Variants in CCT3 observed in about 807,000 individuals in gnomAD.
CCT3 encodes the protein T-complex protein 1 subunit gamma.
In CCT3, 10 loss-of-function variants were observed where a neutral mutation model predicts 65.3. That is an observed-to-expected ratio of 0.15 (90% CI 0.09 to 0.26). The LOEUF (loss-of-function observed/expected upper bound fraction) is 0.26, where lower values mean the gene tolerates loss of function less well. Ranked by LOEUF, CCT3 falls within the 10% of genes least tolerant of loss-of-function variation. The probability of loss-of-function intolerance (pLI) is 1.00; values close to 1 mark genes in which losing one functional copy is unlikely to be tolerated. For missense variants in CCT3, 626 were observed against 708.7 expected, an observed-to-expected ratio of 0.88 and a Z score of 1.33; for synonymous variants, 225 against 242.3, an observed-to-expected ratio of 0.93 and a Z score of 0.66.
rs1309660781 is a variant in CCT3 at position 156,337,178 on chromosome 1, G to A, written c.31+976C>T. 7.2e-6 allele frequency: 5 copies of A among 693,734 alleles called. No individual in the cohort carries two copies. In the East Asian group the frequency reaches 2.9e-4, roughly 41 times the overall value. The allele number at this position is 693,734 out of a possible 1,614,324, so 43.0% of individuals were successfully genotyped here. ...TCAGCACTTTGGGAGGCCGAGGTGG[G>A]CGGATCACCTGAGCTCATCAGCAGT... On this transcript the variant is annotated intron_variant, in intron 1 of 13. Coordinates refer to ENST00000295688, the MANE Select transcript of CCT3 (RefSeq NM_005998.5).
At chr1:156,317,915 C>T (rs374970236) in intron 8 of CCT3, among the ~76,000 whole-genome samples, 1 of 151,990 alleles carries the variant, frequency 6.6e-6, no homozygotes, top group South Asian at 2.1e-4. Flanking sequence ...GGTTTCACCA[C>T]GTTAGCCAGG....
intron 5 of CCT3, among the ~76,000 whole-genome samples, chr1:156,325,958 T>A (rs2101656583): frequency 6.6e-6 from 1 of 152,274 alleles, no homozygotes; most frequent in East Asian, 1.9e-4. Flanking sequence ...AAAAACTGAC[T>A]TGTTTATTAG....
intron 10 of CCT3, among the ~76,000 whole-genome samples, chr1:156,315,738 T>C (rs1171791588): frequency 2.0e-5 from 3 of 152,144 alleles, no homozygotes. Flanking sequence ...ACTGTACACT[T>C]AAGGCAACTA....
Position 156,317,343 on chromosome 1 carries a change from A to C in CCT3, c.892+72T>G, listed in dbSNP as rs1470002244. ...TGACACTATTACGCCCCTGCCAAAC[A>C]TGAGGGGAGAAAACAAATCACCCAC... On this transcript the variant is annotated intron_variant, in intron 9 of 13. Coordinates refer to ENST00000295688, the MANE Select transcript of CCT3 (RefSeq NM_005998.5). The C allele has an allele frequency of 7.5e-6, 12 of 1,594,098 alleles. 1 individual carries two copies. Among genetic ancestry groups the C allele is most frequent in the Non-Finnish European group, 1.0e-5 (12 of 1,163,272 alleles).
intron 5 of CCT3, among the ~76,000 whole-genome samples, chr1:156,330,320 G>A (rs879385145): frequency 6.6e-6 from 1 of 152,170 alleles, no homozygotes; most frequent in Admixed American, 6.5e-5. Flanking sequence ...TGGACTAGTT[G>A]ACTGTGACTC....
intron 12 of CCT3, 111 bp from the exon 13 acceptor site, chr1:156,310,800 T>A (rs1344273803): frequency 3.4e-6 from 5 of 1,452,570 alleles, no homozygotes; most frequent in Non-Finnish European, 4.7e-6. Context: ...AAAATGGCAA[T>A]GACAGCAAAC....
chr1:156,317,466 C>T lies in CCT3; in HGVS notation c.841G>A (p.Asp281Asn). The T allele has an allele frequency of 6.2e-7, 1 of 1,614,014 alleles. No individual in the cohort carries two copies. Among genetic ancestry groups the T allele is most frequent in the Non-Finnish European group, 8.5e-7 (1 of 1,179,908 alleles). The stretch of plus-strand genomic sequence containing the variant: ...ACATCGGGCTTCAGTTGGATAATGT[C>T]CTCACAGAGCTGCTGGATGTACTCT... The part of the protein sequence containing the change: ...EEEYIQQLCE[D>N]IIQLKPDVVI... Residue 281 changes from aspartate (D) to asparagine (N), a missense_variant, in exon 9 of 14, where the codon GAC (aspartate) becomes AAC (asparagine). Physicochemically the swap from Asp to Asn is conservative, Grantham distance 23 (BLOSUM62 1). Coordinates refer to ENST00000295688, the MANE Select transcript of CCT3 (RefSeq NM_005998.5).
At chr1:156,326,734 T>A (rs1280646427) in intron 5 of CCT3, among the ~76,000 whole-genome samples, 2 of 151,568 alleles carry the variant, frequency 1.3e-5, no homozygotes, top group Non-Finnish European at 2.9e-5. Context: ...GTAAAACATC[T>A]CCTTCTTTTA....
chr1:156,316,117 G>A (rs1343553560), intron 10 of CCT3, among the ~76,000 whole-genome samples: 1 of 151,646 alleles, frequency 6.6e-6, no homozygotes, highest in Non-Finnish European at 1.5e-5. Flanking sequence ...GGGGGGGTGG[G>A]GTGGGGGGAT....
chr1:156,333,439 C>G, intron 5 of CCT3, 108 bp downstream of exon 5: 1 of 784,208 alleles, frequency 1.3e-6, no homozygotes, highest in Non-Finnish European at 2.2e-6. Context: ...AACCAATAAG[C>G]TATTTAAATA....
rs920684830 is a variant in CCT3, at chr1:156,317,193, C to T, written c.947G>A (p.Arg316Gln). 2.5e-6 allele frequency: 4 copies of T among 1,614,094 alleles called. No homozygotes were observed. The highest frequency in any genetic ancestry group is 3.4e-6 in the Non-Finnish European group (4 of 1,179,972). Residue 316 changes from arginine to glutamine, a missense_variant, in exon 10 of 14, where the codon CGG becomes CAG. Coordinates refer to ENST00000295688, the MANE Select transcript of CCT3 (RefSeq NM_005998.5). ...RANITAIRRV[R>Q]KTDNNRIARA... ...AGCAATGCGATTATTGTCTGTCTTC[C>T]GGACTCTGCGGATGGCTGTGATATT...
At chr1:156,334,797 T>C in intron 3 of CCT3, 22 bp from the exon 4 acceptor site, 5 of 1,613,986 alleles carry the variant, frequency 3.1e-6, no homozygotes, top group Non-Finnish European at 4.2e-6. Context: ...GCAAAAGTTA[T>C]ATTTAAAGTG....
intron 6 of CCT3, among the ~76,000 whole-genome samples, chr1:156,323,323 A>G (rs1423265054): frequency 6.6e-6 from 1 of 151,486 alleles, no homozygotes; most frequent in Non-Finnish European, 1.5e-5. Flanking sequence ...AGAAAAAAAA[A>G]AAAGAGCAGG....
chr1:156,332,233 C>T lies in CCT3; in HGVS notation c.304+1314G>A, dbSNP rs112630196. Among the ~76,000 whole-genome samples, 193 of 152,234 alleles carry T rather than the reference C, an allele frequency of 1.3e-3. 1 individual carries two copies. Among genetic ancestry groups the T allele is most frequent in the African/African-American group, 4.4e-3 (182 of 41,564 alleles). On this transcript the variant is annotated intron_variant, in intron 5 of 13. Transcript: ENST00000295688. Reference sequence around the variant, plus strand: ...CTCTCCATGTTGCCCAGGCTGGTCTCGAACTCCTGACCTCGTGATCTGCCC... The same window carrying T: ...CTCTCCATGTTGCCCAGGCTGGTCTTGAACTCCTGACCTCGTGATCTGCCC...
chr1:156,325,632 C>T (rs1209274530), intron 5 of CCT3, among the ~76,000 whole-genome samples: 3 of 147,954 alleles, frequency 2.0e-5, no homozygotes, highest in Admixed American at 1.4e-4. Context: ...GGCTGGAGTG[C>T]GGTGGCGCAA....
At position 156,318,989 on chromosome 1, in the gene CCT3, C is replaced by T; in HGVS notation, c.638G>A (p.Cys213Tyr). The change falls in exon 8 of 14, where the codon TGT becomes TAT. Residue 213 changes from cysteine to tyrosine, a missense_variant. By Grantham distance (194) the Cys-to-Tyr change is radical (BLOSUM62 -2). Coordinates refer to ENST00000295688, the MANE Select transcript of CCT3 (RefSeq NM_005998.5). ...GTTAATCATGACTCCACGCAAGACA[C>T]AGGAGTCTTCAATGATGCCTCCAGG... ...KIPGGIIEDS[C>Y]VLRGVMINKD... 6.2e-7 allele frequency: 1 copy of T among 1,612,584 alleles called. No homozygotes were observed.
chr1:156,310,614 G>T lies in CCT3; in HGVS notation c.1477C>A (p.Leu493Met). The change falls in exon 13 of 14, where the codon CTG becomes ATG. Residue 493 changes from leucine to methionine, a missense_variant. Leu to Met is a conservative substitution (Grantham distance 15). Transcript: ENST00000295688. ...ETGTLVDMKE[L>M]GIWEPLAVKL... ...ACAGCCAATGGCTCCCATATGCCCAGTTCCTTCATGTCCACCAAAGTACCC... is the reference window on the plus strand; with the variant it reads ...ACAGCCAATGGCTCCCATATGCCCATTTCCTTCATGTCCACCAAAGTACCC... The T allele has an allele frequency of 6.2e-7, 1 of 1,613,930 alleles. No homozygotes were observed. Among genetic ancestry groups the T allele is most frequent in the Non-Finnish European group, 8.5e-7 (1 of 1,179,798 alleles).
chr1:156,322,516 A>G (rs1267745202), intron 6 of CCT3, among the ~76,000 whole-genome samples: 4 of 152,078 alleles, frequency 2.6e-5, no homozygotes, highest in South Asian at 2.1e-4. Context: ...AATTTTTTTA[A>G]TAAGATTAAA....
chr1:156,327,319 C>G (rs936386762), intron 5 of CCT3, among the ~76,000 whole-genome samples: 10 of 151,678 alleles, frequency 6.6e-5, no homozygotes, highest in Non-Finnish European at 1.5e-4. Context: ...CCTCTCTTTC[C>G]ACGGTCTCCC....
Sources: allele counts gnomAD v4.1 joint callset (sites outside exome capture counted in the v4.1 genomes callset), GRCh38; gene constraint gnomAD v4.1.1; transcripts MANE v1.5; gene names NCBI Gene and HGNC (gene_info 2026-07-23, HGNC 2026-07-21).